BCL11B: variants seen among roughly 807,000 people sequenced by gnomAD.
BCL11B encodes the protein B-cell lymphoma/leukemia 11B.
BCL11B carries 8 observed loss-of-function variants against 49.9 expected under a neutral mutation model. That is an observed-to-expected ratio of 0.16 (90% CI 0.09 to 0.29). The LOEUF (loss-of-function observed/expected upper bound fraction) is 0.29. BCL11B is among the 10% of genes least tolerant of loss of function. The pLI, the probability that BCL11B is intolerant of heterozygous loss-of-function variation, is 1.00. For missense variants in BCL11B, 1,006 were observed against 1,351.0 expected (o/e 0.74, Z 4.00); for synonymous variants, 739 against 637.4 (o/e 1.16, Z -2.40).
Position 99,257,864 on chromosome 14 carries a change from A to C in BCL11B, c.59-25T>G. 6.7e-7 allele frequency: 1 copy of C among 1,492,716 alleles called. No individual in the cohort carries two copies. Among genetic ancestry groups the C allele is most frequent in the South Asian group, 1.4e-5 (1 of 70,476 alleles). The allele number at this position is 1,492,716 out of a possible 1,614,324, so 92.5% of individuals were successfully genotyped here. ...GCTGGAGACAGAAAGAAGAAAGGGAAGGGGCAGAGAAGATAGAGATGGGCT... is the reference window on the plus strand; with the variant it reads ...GCTGGAGACAGAAAGAAGAAAGGGACGGGGCAGAGAAGATAGAGATGGGCT... On this transcript the variant is annotated intron_variant, in intron 1 of 3. Coordinates refer to ENST00000357195, the MANE Select transcript of BCL11B (RefSeq NM_138576.4). The surrounding 1 kb of genome is among the most constrained non-coding windows in gnomAD (Gnocchi z 6.2).
chr14:99,208,860 G>A (rs1454360443), intron 3 of BCL11B, among the ~76,000 whole-genome samples: 1 of 152,244 alleles, frequency 6.6e-6, no homozygotes, highest in Admixed American at 6.5e-5. Flanking sequence ...CAGAGGTCAT[G>A]AAGCTCGTCC....
At chr14:99,187,044 A>G (rs560904563) in intron 3 of BCL11B, among the ~76,000 whole-genome samples, 1 of 152,264 alleles carries the variant, frequency 6.6e-6, no homozygotes, top group Non-Finnish European at 1.5e-5. Context: ...CTGTCGGTGG[A>G]ACAGGGAAGT....
At chr14:99,178,412 C>A (rs1205947870) in intron 3 of BCL11B, among the ~76,000 whole-genome samples, 1 of 152,218 alleles carries the variant, frequency 6.6e-6, no homozygotes, top group African/African-American at 2.4e-5. Context: ...TGAGGGGAAA[C>A]CTCCCCACCT....
In BCL11B at chr14:99,247,953, C is replaced by T. The variant is rs1888895766; in HGVS notation, c.427+9518G>A. 6.6e-6 allele frequency among the ~76,000 whole-genome samples: 1 copy of T among 152,332 alleles called. No homozygotes were observed. The highest frequency in any genetic ancestry group is 1.5e-5 in the Non-Finnish European group (1 of 68,030). ...TTGGCTTAGAGACAGAGCAGGCGGTCCTGGGCTGGGGGGCTCACCCTGCCC... is the reference window on the plus strand; with the variant it reads ...TTGGCTTAGAGACAGAGCAGGCGGTTCTGGGCTGGGGGGCTCACCCTGCCC... On this transcript the variant is annotated intron_variant, in intron 2 of 3. Transcript: ENST00000357195. This position sits in a 1 kb window ranked among gnomAD's most constrained non-coding sequence, Gnocchi z 4.5.
In BCL11B at chr14:99,257,878, T is replaced by C. The variant is rs537541132; in HGVS notation, c.59-39A>G. On this transcript the variant is annotated intron_variant, in intron 1 of 3. Coordinates refer to ENST00000357195, the MANE Select transcript of BCL11B (RefSeq NM_138576.4). The surrounding 1 kb of genome is among the most constrained non-coding windows in gnomAD (Gnocchi z 6.2). ...GAAGAAAGGGAAGGGGCAGAGAAGATAGAGATGGGCTTAGGCGGTCACAGC... is the reference window on the plus strand; with the variant it reads ...GAAGAAAGGGAAGGGGCAGAGAAGACAGAGATGGGCTTAGGCGGTCACAGC... 2.0e-6 allele frequency: 3 copies of C among 1,488,716 alleles called. No homozygotes were observed. Among genetic ancestry groups the C allele is most frequent in the Admixed American group, 2.3e-5 (1 of 43,890 alleles). 92.2% of individuals were successfully genotyped at this position (1,488,716 alleles called of 1,614,324 possible).
intron 3 of BCL11B, among the ~76,000 whole-genome samples, chr14:99,225,934 T>C (rs4905808): frequency 0.32 from 48,489 of 152,008 alleles, 9,247 homozygotes; most frequent in Non-Finnish European, 0.44. Context: ...TCTCCATGGC[T>C]TCTCCTGGCA....
At chr14:99,215,611 T>C (rs1166284522) in intron 3 of BCL11B, among the ~76,000 whole-genome samples, 3 of 152,226 alleles carry the variant, frequency 2.0e-5, no homozygotes, top group African/African-American at 7.2e-5. Context: ...CCAAGGCACG[T>C]TGGAGTTTCC....
At chr14:99,256,658 C>A (rs2139951196) in intron 2 of BCL11B, among the ~76,000 whole-genome samples, 1 of 152,290 alleles carries the variant, frequency 6.6e-6, no homozygotes, top group East Asian at 1.9e-4. Flanking sequence ...ATGGTGCTGG[C>A]CAAGAGGGAG....
rs556425826 is a variant in BCL11B, at chr14:99,226,607, A to C, written c.640+4738T>G. On this transcript the variant is annotated intron_variant, in intron 3 of 3. Coordinates refer to ENST00000357195, the MANE Select transcript of BCL11B (RefSeq NM_138576.4). ...GTATGAAATGTGCAAAGCACAGACC[A>C]TATCATTAACACAAAACTTCCAGAA... is the stretch of plus-strand genomic sequence containing the variant. 9.2e-5 allele frequency among the ~76,000 whole-genome samples: 14 copies of C among 152,376 alleles called. No individual in the cohort carries two copies. The East Asian group carries it at 2.7e-3, about 29-fold the overall frequency.
At chr14:99,185,449 A>G (rs1031494548) in intron 3 of BCL11B, among the ~76,000 whole-genome samples, 3 of 143,920 alleles carry the variant, frequency 2.1e-5, no homozygotes, top group Non-Finnish European at 3.0e-5. Context: ...AAAAAAAGAA[A>G]AAAAAAAAAA....
chr14:99,203,812 T>C (rs977018128), intron 3 of BCL11B, among the ~76,000 whole-genome samples: 7 of 152,072 alleles, frequency 4.6e-5, no homozygotes, highest in Admixed American at 2.6e-4. Context: ...TCAGCTCAGA[T>C]AGGGATAGAG....
chr14:99,200,015 T>C (rs1039833585), intron 3 of BCL11B, among the ~76,000 whole-genome samples: 4 of 151,218 alleles, frequency 2.6e-5, no homozygotes, highest in South Asian at 2.1e-4. Flanking sequence ...TCCCAAGATA[T>C]GAGAGTCTAT....
intron 3 of BCL11B, among the ~76,000 whole-genome samples, chr14:99,189,498 A>G (rs964598765): frequency 5.3e-5 from 8 of 152,224 alleles, no homozygotes; most frequent in African/African-American, 1.7e-4. Context: ...ACCCACACAC[A>G]CAGTGTGCAG....
chr14:99,189,419 C>T (rs1402466123), intron 3 of BCL11B, among the ~76,000 whole-genome samples: 1 of 152,254 alleles, frequency 6.6e-6, no homozygotes, highest in African/African-American at 2.4e-5. Flanking sequence ...ACGCACACTA[C>T]ATGCACACAC....
intron 3 of BCL11B, among the ~76,000 whole-genome samples, chr14:99,211,537 C>T (rs1269542254): frequency 1.3e-5 from 2 of 152,232 alleles, no homozygotes; most frequent in Non-Finnish European, 1.5e-5. Context: ...CACATGCACT[C>T]GTGTGCACAC....
rs765692050 is a variant in BCL11B, at chr14:99,231,416, G to T, written c.569C>A (p.Pro190Gln). 6.3e-7 allele frequency: 1 copy of T among 1,596,702 alleles called. No homozygotes were observed. The highest frequency in any genetic ancestry group is 8.5e-7 in the Non-Finnish European group (1 of 1,171,288). The change falls in exon 3 of 4, where the codon CCG (proline) becomes CAG (glutamine). Residue 190 changes from proline (P) to glutamine (Q), a missense_variant. Physicochemically the swap from Pro to Gln is moderately conservative, Grantham distance 76 (BLOSUM62 -1). Coordinates refer to ENST00000357195, the MANE Select transcript of BCL11B (RefSeq NM_138576.4). This position sits in a 1 kb window ranked among gnomAD's most constrained non-coding sequence, Gnocchi z 8.1. ...CLPLPCCSAR[P>Q]VSGDGTQGEG... ...ACCCTGAGTCCCGTCACCCGAGACC[G>T]GGCGCGCGCTGCAGCACGGCAGGGG...
Position 99,198,476 on chromosome 14 carries a change from T to G in BCL11B, c.641-22281A>C, listed in dbSNP as rs1887243176. 2.6e-5 allele frequency among the ~76,000 whole-genome samples: 4 copies of G among 152,332 alleles called. No homozygotes were observed. In the South Asian group the frequency reaches 8.3e-4, roughly 32 times the overall value. On this transcript the variant is annotated intron_variant, in intron 3 of 3. Transcript: ENST00000357195. ...CCCTGACATCATTATTTTCAATTGC[T>G]GGGTGATGTTCCACCCTATGGCTGG...
In BCL11B at chr14:99,231,501, G is replaced by T. The variant is rs370751575; in HGVS notation, c.484C>A (p.Pro162Thr). The T allele has an allele frequency of 1.7e-5, 27 of 1,600,074 alleles. No individual in the cohort carries two copies. The highest frequency in any genetic ancestry group is 1.7e-4 in the Middle Eastern group (1 of 5,904). Residue 162 changes from proline (P) to threonine (T), a missense_variant, in exon 3 of 4, where the codon CCT becomes ACT. This residue lies in a region of BCL11B where 411 missense variants were observed against 542.2 expected (regional missense o/e 0.76). Transcript: ENST00000357195. The surrounding 1 kb of genome is among the most constrained non-coding windows in gnomAD (Gnocchi z 8.1). Reference sequence around the variant, plus strand: ...GGTGAAGTGATCACGGATGAGTGAGGGTGGGAGGAGGCAGCTATGGGGGCC... The same window carrying T: ...GGTGAAGTGATCACGGATGAGTGAGTGTGGGAGGAGGCAGCTATGGGGGCC... ...AVAPIAASSH[P>T]HSSVITSPLR...
intron 3 of BCL11B, among the ~76,000 whole-genome samples, chr14:99,196,654 C>A (rs1192509816): frequency 1.3e-5 from 2 of 152,188 alleles, no homozygotes; most frequent in African/African-American, 2.4e-5. Flanking sequence ...GAAGCCTCAG[C>A]AGTTCCACCG....
Sources: gnomAD v4.1 joint callset for allele counts (sites outside exome capture counted in the v4.1 genomes callset) on GRCh38, gnomAD v4.1.1 for gene constraint, gnomAD v4.1.1 regional missense constraint, Gnocchi (gnomAD v3.1) non-coding constraint, MANE v1.5 for transcripts, NCBI Gene and HGNC (gene_info 2026-07-23, HGNC 2026-07-21) for gene names.